Variants in ADCY5 observed in about 807,000 individuals in gnomAD.
The protein encoded by ADCY5 is adenylate cyclase 5.
In ADCY5, 30 loss-of-function variants were observed where a neutral mutation model predicts 119.7. The observed-to-expected ratio is 0.25, with a 90% CI of 0.19 to 0.34. The LOEUF (loss-of-function observed/expected upper bound fraction) is 0.34, where lower values mean the gene tolerates loss of function less well. Ranked by LOEUF, ADCY5 falls within the 10% of genes least tolerant of loss-of-function variation. ADCY5 has a pLI of 1.00. For missense variants in ADCY5, 1,324 were observed against 1,775.2 expected (o/e 0.75, Z 4.57); for synonymous variants, 753 against 762.2 (o/e 0.99, Z 0.20).
intron 1 of ADCY5, among the ~76,000 whole-genome samples, chr3:123,358,864 C>G (rs562484236): frequency 6.6e-6 from 1 of 152,202 alleles, no homozygotes; most frequent in African/African-American, 2.4e-5. Flanking sequence ...TTACAGTGCT[C>G]GGTTCGTGCA....
intron 7 of ADCY5, among the ~76,000 whole-genome samples, chr3:123,326,824 C>A (rs1048012783): frequency 6.6e-6 from 1 of 152,162 alleles, no homozygotes; most frequent in African/African-American, 2.4e-5. Flanking sequence ...CACCTGCCCT[C>A]AACAGCCCTG....
chr3:123,325,560 G>T, intron 7 of ADCY5, 98 bp from the exon 8 acceptor site: 1 of 1,496,018 alleles, frequency 6.7e-7, no homozygotes, highest in Non-Finnish European at 9.2e-7. Flanking sequence ...AAGGGGCTAA[G>T]GCAGCTGCCC....
chr3:123,303,277 C>T, intron 13 of ADCY5, 58 bp from the exon 14 acceptor site: 1 of 1,552,422 alleles, frequency 6.4e-7, no homozygotes, highest in Admixed American at 1.8e-5. Flanking sequence ...ACAGGTAGAG[C>T]AGCCCAGCCC....
At chr3:123,433,389 G>A (rs1271219207) in intron 1 of ADCY5, among the ~76,000 whole-genome samples, 3 of 152,308 alleles carry the variant, frequency 2.0e-5, no homozygotes, top group South Asian at 2.1e-4. Flanking sequence ...AAATGCTTAC[G>A]GGAAAGGGAC....
At position 123,286,633 on chromosome 3, in the gene ADCY5, C is replaced by A; in HGVS notation, c.3657+52G>T. On this transcript the variant is annotated intron_variant, in intron 20 of 20. Coordinates refer to ENST00000462833, the MANE Select transcript of ADCY5 (RefSeq NM_183357.3). This position sits in a 1 kb window ranked among gnomAD's most constrained non-coding sequence, Gnocchi z 4.2. ...GCCTGCCCTGAAGACCTCTCGGTGT[C>A]AGACACAGGACCTCCCATGGGGTGA... The A allele has an allele frequency of 6.5e-7, 1 of 1,536,966 alleles. No homozygotes were observed. The highest frequency in any genetic ancestry group is 1.3e-5 in the South Asian group (1 of 79,422).
chr3:123,303,836 GAAA>G (rs1462540818), intron 13 of ADCY5, among the ~76,000 whole-genome samples: 2 of 135,434 alleles, frequency 1.5e-5, no homozygotes, highest in Admixed American at 1.5e-4. Flanking sequence ...AAACTGGAAA[GAAA>G]AGAGAAGAGA....
At chr3:123,338,311 C>T (rs1390844717) in intron 3 of ADCY5, among the ~76,000 whole-genome samples, 1 of 152,236 alleles carries the variant, frequency 6.6e-6, no homozygotes, top group East Asian at 1.9e-4. Flanking sequence ...CCCCCAAAGC[C>T]TCACCACACA....
In ADCY5 at chr3:123,348,036, A is replaced by AGCGT. The variant is rs1553732238; in HGVS notation, c.1285-134_1285-133insACGC. ...GCTCTCCCGGGACTCCTGGGTTAAC[A>AGCGT]GTGTGTGTGTGTGTGTGTGTGTGTG... is the stretch of plus-strand genomic sequence containing the variant. On this transcript the variant is annotated intron_variant, in intron 2 of 20. Coordinates refer to ENST00000462833, the MANE Select transcript of ADCY5 (RefSeq NM_183357.3). The AGCGT allele has an allele frequency of 8.5e-6, 4 of 468,640 alleles. No homozygotes were observed. In the African/African-American group the frequency reaches 1.1e-4, roughly 13 times the overall value. 29.0% of individuals were successfully genotyped at this position (468,640 alleles called of 1,614,324 possible).
chr3:123,334,124 A>G (rs1034888785), intron 3 of ADCY5, among the ~76,000 whole-genome samples: 1 of 152,148 alleles, frequency 6.6e-6, no homozygotes, highest in African/African-American at 2.4e-5. Context: ...CTTAAAAGGG[A>G]CACAAAAATC....
intron 1 of ADCY5, among the ~76,000 whole-genome samples, chr3:123,411,489 G>C (rs945715411): frequency 5.9e-5 from 9 of 152,186 alleles, no homozygotes; most frequent in African/African-American, 2.2e-4. Context: ...AGAAACTCCT[G>C]AGACAACAGA....
At chr3:123,349,097 C>T (rs1469929123) in intron 2 of ADCY5, among the ~76,000 whole-genome samples, 2 of 152,316 alleles carry the variant, frequency 1.3e-5, no homozygotes, top group East Asian at 3.9e-4. Flanking sequence ...CCCTACCTCC[C>T]GTCCATGGCT....
At chr3:123,334,459 T>A (rs1941930727) in intron 3 of ADCY5, among the ~76,000 whole-genome samples, 1 of 152,198 alleles carries the variant, frequency 6.6e-6, no homozygotes, top group Admixed American at 6.5e-5. Flanking sequence ...TCTTTTTAAA[T>A]CAAATATTGG....
At chr3:123,327,211 T>C (rs1189862899) in intron 7 of ADCY5, among the ~76,000 whole-genome samples, 3 of 151,942 alleles carry the variant, frequency 2.0e-5, no homozygotes, top group African/African-American at 4.8e-5. Flanking sequence ...AACAAAGACA[T>C]AGGCACATGT....
At chr3:123,358,926 G>A (rs1482578943) in intron 1 of ADCY5, among the ~76,000 whole-genome samples, 1 of 152,212 alleles carries the variant, frequency 6.6e-6, no homozygotes, top group Non-Finnish European at 1.5e-5. Context: ...CTCAGGCACT[G>A]TGATCGTTTC....
chr3:123,379,583 A>T (rs1943959444), intron 1 of ADCY5, among the ~76,000 whole-genome samples: 2 of 151,706 alleles, frequency 1.3e-5, no homozygotes, highest in Admixed American at 6.6e-5. Context: ...AAGTGCAGGG[A>T]GCAGTGGGAA....
intron 1 of ADCY5, among the ~76,000 whole-genome samples, chr3:123,389,870 A>C (rs1303687062): frequency 6.6e-6 from 1 of 151,930 alleles, no homozygotes; most frequent in Non-Finnish European, 1.5e-5. Context: ...CTGCAACTAC[A>C]AAAAACAAAT....
In ADCY5 at chr3:123,447,976, C is replaced by G. The variant is rs1222692860; in HGVS notation, c.570G>C (p.Ser190=). 3 of 1,431,536 alleles carry G rather than the reference C, an allele frequency of 2.1e-6. No homozygotes were observed. The highest frequency in any genetic ancestry group is 2.7e-6 in the Non-Finnish European group (3 of 1,093,564). The allele number at this position is 1,431,536 out of a possible 1,614,324, so 88.7% of individuals were successfully genotyped here. ...GCCCCGCGCCCGAGCCCGAGTCCGC[C>G]GAGCTGCCGCCATCCCCGGACCCCT... ...GGEGSGDGGS[S]ADSGSGAGPG... is the part of the protein sequence containing the mutation. The change falls in exon 1 of 21, where the codon TCG becomes TCC. Residue 190 remains serine (S), a synonymous_variant. Coordinates refer to ENST00000462833, the MANE Select transcript of ADCY5 (RefSeq NM_183357.3).
intron 1 of ADCY5, among the ~76,000 whole-genome samples, chr3:123,437,926 C>T (rs569979483): frequency 6.6e-6 from 1 of 152,332 alleles, no homozygotes; most frequent in South Asian, 2.1e-4. Flanking sequence ...TCCCCAGTCC[C>T]TGCCAGCCCC....
chr3:123,405,075 G>A (rs1042052781), intron 1 of ADCY5, among the ~76,000 whole-genome samples: 6 of 152,254 alleles, frequency 3.9e-5, no homozygotes, highest in African/African-American at 1.4e-4. Flanking sequence ...GCAGAGGAAA[G>A]AGCCTGCGAC....
Sources: gnomAD v4.1 joint callset for allele counts (sites outside exome capture counted in the v4.1 genomes callset) on GRCh38, gnomAD v4.1.1 for gene constraint, Gnocchi (gnomAD v3.1) non-coding constraint, MANE v1.5 for transcripts, NCBI Gene and HGNC (gene_info 2026-07-23, HGNC 2026-07-21) for gene names.